GPALPP1: variants seen among roughly 807,000 people sequenced by gnomAD.
GPALPP1 encodes GPALPP motifs containing 1, also known as GPALPP motifs-containing protein 1.
Under a neutral mutation model 38.9 loss-of-function variants are expected in GPALPP1, and 30 were observed. The ratio of observed to expected loss-of-function variants is 0.77; its 90% CI spans 0.58 to 1.05. The LOEUF (loss-of-function observed/expected upper bound fraction) is 1.05. GPALPP1 is among the 50% of genes least tolerant of loss of function. GPALPP1 has a pLI of 0.00. For synonymous variants in GPALPP1, 120 were observed against 139.2 expected, an observed-to-expected ratio of 0.86 and a Z score of 0.97; for missense variants, 384 against 408.8, an observed-to-expected ratio of 0.94 and a Z score of 0.52.
At chr13:45,009,232 T>C (rs1385204240) in intron 4 of GPALPP1, among the ~76,000 whole-genome samples, 1 of 152,220 alleles carries the variant, frequency 6.6e-6, no homozygotes, top group Non-Finnish European at 1.5e-5. Flanking sequence ...TTGAAGAGCT[T>C]TTTAACAATG....
intron 7 of GPALPP1, among the ~76,000 whole-genome samples, chr13:45,022,165 T>G (rs1032564505): frequency 1.3e-5 from 2 of 152,124 alleles, no homozygotes; most frequent in African/African-American, 4.8e-5. Flanking sequence ...ATCTCAAAAG[T>G]CATACTGAGT....
intron 3 of GPALPP1, among the ~76,000 whole-genome samples, chr13:45,007,584 C>T (rs1050476299): frequency 6.6e-6 from 1 of 152,202 alleles, no homozygotes; most frequent in Non-Finnish European, 1.5e-5. Flanking sequence ...TGCCAAACTT[C>T]CCTGTCTTTC....
intron 1 of GPALPP1, among the ~76,000 whole-genome samples, chr13:45,004,066 G>C (rs1873893665): frequency 6.6e-6 from 1 of 152,062 alleles, no homozygotes; most frequent in Non-Finnish European, 1.5e-5. Context: ...TATAAGTTCA[G>C]ATATTAACAA....
chr13:45,027,310 G>A lies in GPALPP1; in HGVS notation c.805-475G>A, dbSNP rs148219675. Among the ~76,000 whole-genome samples, 761 of 152,174 alleles carry A rather than the reference G, an allele frequency of 5.0e-3. 4 individuals carry two copies. Among genetic ancestry groups the A allele is most frequent in the African/African-American group, 0.017 (702 of 41,504 alleles). On this transcript the variant is annotated intron_variant, in intron 7 of 7. Transcript: ENST00000379151. Reference sequence around the variant, plus strand: ...ACCCTAGCTAAGAAGAAAAAAAATTGAGGGAATTAAGGGAAAAAGAGAACG... The same window carrying A: ...ACCCTAGCTAAGAAGAAAAAAAATTAAGGGAATTAAGGGAAAAAGAGAACG...
intron 3 of GPALPP1, among the ~76,000 whole-genome samples, chr13:45,006,969 G>A (rs754647434): frequency 6.6e-6 from 1 of 151,690 alleles, no homozygotes; most frequent in Non-Finnish European, 1.5e-5. Context: ...TCATAATACT[G>A]TATACCAATA....
At chr13:45,018,415 T>G (rs917758274) in intron 6 of GPALPP1, among the ~76,000 whole-genome samples, 1 of 151,638 alleles carries the variant, frequency 6.6e-6, no homozygotes, top group Non-Finnish European at 1.5e-5. Context: ...AAAAAAAGAT[T>G]GCTCTTTAGA....
intron 1 of GPALPP1, chr13:45,002,557 G>A (rs979323985): frequency 1.3e-5 from 2 of 152,210 alleles, no homozygotes; most frequent in African/African-American, 4.8e-5. Flanking sequence ...TTTGTTAGGT[G>A]TTTTGCATAT....
At chr13:45,027,334 C>T (rs952268805) in intron 7 of GPALPP1, among the ~76,000 whole-genome samples, 7 of 152,206 alleles carry the variant, frequency 4.6e-5, no homozygotes, top group African/African-American at 1.2e-4. Flanking sequence ...AAAAAGAGAA[C>T]GACAGAAAAC....
At chr13:45,012,553 A>C (rs548335137) in intron 4 of GPALPP1, among the ~76,000 whole-genome samples, 1 of 152,360 alleles carries the variant, frequency 6.6e-6, no homozygotes, top group South Asian at 2.1e-4. Flanking sequence ...AGCACAATTC[A>C]GCATTATTCA....
intron 7 of GPALPP1, among the ~76,000 whole-genome samples, chr13:45,025,155 T>G (rs902288825): frequency 2.0e-5 from 3 of 152,086 alleles, no homozygotes; most frequent in African/African-American, 7.2e-5. Context: ...ACAAAAAAAA[T>G]TAAGACAGAT....
chr13:45,008,771 A>G (rs777602220), intron 3 of GPALPP1, 24 bp from the exon 4 acceptor site: 6 of 1,271,320 alleles, frequency 4.7e-6, no homozygotes, highest in Non-Finnish European at 6.9e-6. Flanking sequence ...AGGGAGAATG[A>G]TAAAAGTACA....
intron 1 of GPALPP1, among the ~76,000 whole-genome samples, chr13:44,999,762 T>C (rs1313336710): frequency 2.0e-5 from 3 of 152,152 alleles, no homozygotes; most frequent in Non-Finnish European, 4.4e-5. Context: ...GTATTTTTAG[T>C]AGAGATGGGG....
chr13:45,025,751 A>G (rs1875783975), intron 7 of GPALPP1, among the ~76,000 whole-genome samples: 1 of 151,622 alleles, frequency 6.6e-6, no homozygotes, highest in Non-Finnish European at 1.5e-5. Flanking sequence ...TTATTTCTCC[A>G]TGCTCCGTGT....
At chr13:45,012,885 A>G (rs1206641026) in intron 4 of GPALPP1, among the ~76,000 whole-genome samples, 1 of 152,168 alleles carries the variant, frequency 6.6e-6, no homozygotes, top group African/African-American at 2.4e-5. Context: ...AATGGTTGAC[A>G]TTTCTTGAGC....
At chr13:45,017,264 C>T (rs1874943328) in intron 6 of GPALPP1, among the ~76,000 whole-genome samples, 1 of 152,172 alleles carries the variant, frequency 6.6e-6, no homozygotes. Flanking sequence ...GGGCATGTTT[C>T]AGTCTCCACA....
intron 1 of GPALPP1, among the ~76,000 whole-genome samples, chr13:44,990,947 G>A (rs567335340): frequency 2.0e-5 from 3 of 151,908 alleles, no homozygotes; most frequent in East Asian, 1.9e-4. Context: ...AAAATTAGCC[G>A]GGCGTGGTGG....
Position 45,008,820 on chromosome 13 carries a change from C to T in GPALPP1, c.349C>T (p.Pro117Ser), listed in dbSNP as rs941265455. The change falls in exon 4 of 8, where the codon CCT (proline) becomes TCT (serine). Residue 117 changes from proline to serine, a missense_variant. By Grantham distance (74) the Pro-to-Ser change is moderately conservative. Coordinates refer to ENST00000379151, the MANE Select transcript of GPALPP1 (RefSeq NM_018559.5). ...GCCCATAATAGGTCCTGCATTGCCA[C>T]CTGGTTTCATTAAATCTACACAGAA... is the stretch of plus-strand genomic sequence containing the variant. ...PRPIIGPALP[P>S]GFIKSTQKSD... 1.9e-6 allele frequency: 3 copies of T among 1,595,060 alleles called. No individual in the cohort carries two copies. Among genetic ancestry groups the T allele is most frequent in the Non-Finnish European group, 2.6e-6 (3 of 1,162,734 alleles).
intron 1 of GPALPP1, among the ~76,000 whole-genome samples, chr13:44,990,828 C>G (rs527667175): frequency 6.6e-6 from 1 of 152,320 alleles, no homozygotes; most frequent in South Asian, 2.1e-4. Flanking sequence ...GTGGCACAAG[C>G]CTGTAATCTC....
intron 7 of GPALPP1, among the ~76,000 whole-genome samples, chr13:45,021,885 A>C (rs1875457208): frequency 6.6e-6 from 1 of 152,218 alleles, no homozygotes; most frequent in Non-Finnish European, 1.5e-5. Flanking sequence ...ATTTCTTATC[A>C]AACTAAACAG....
Sources: gnomAD v4.1 joint callset for allele counts (sites outside exome capture counted in the v4.1 genomes callset) on GRCh38, gnomAD v4.1.1 for gene constraint, MANE v1.5 for transcripts, NCBI Gene and HGNC (gene_info 2026-07-23, HGNC 2026-07-21) for gene names.